ARAP2: variants seen among roughly 807,000 people sequenced by gnomAD.
The protein encoded by ARAP2 is ArfGAP with RhoGAP domain, ankyrin repeat and PH domain 2, also known as arf-GAP with Rho-GAP domain, ANK repeat and PH domain-containing protein 2.
ARAP2 carries 148 observed loss-of-function variants against 194.5 expected under a neutral mutation model. The ratio of observed to expected loss-of-function variants is 0.76; its 90% CI spans 0.67 to 0.87. The LOEUF is 0.87. Ranked by LOEUF, ARAP2 falls within the 40% of genes least tolerant of loss-of-function variation. The pLI is 0.00. For missense variants in ARAP2, 2,128 were observed against 1,989.7 expected, an observed-to-expected ratio of 1.07 and a Z score of -1.32; for synonymous variants, 695 against 683.5, an observed-to-expected ratio of 1.02 and a Z score of -0.26.
downstream of ARAP2, among the ~76,000 whole-genome samples, chr4:36,061,783 T>C (rs1456510334): frequency 1.3e-5 from 2 of 152,202 alleles, no homozygotes; most frequent in Non-Finnish European, 2.9e-5. Flanking sequence ...CCAAGAAGTT[T>C]CCCTTTTCGC....
At chr4:36,073,567 C>A in intron 32 of ARAP2, 122 bp downstream of exon 32, 1 of 1,147,848 alleles carries the variant, frequency 8.7e-7, no homozygotes, top group Non-Finnish European at 1.2e-6. Context: ...TATTACCATG[C>A]TTTACAAAGT....
At chr4:36,026,588 CG>C (rs1717946720) in intron 5 of ARAP2, among the ~76,000 whole-genome samples, 1 of 152,178 alleles carries the variant, frequency 6.6e-6, no homozygotes, top group South Asian at 2.1e-4. Context: ...CTGGATATCA[CG>C]GGACTGGAAG....
At chr4:36,183,615 T>A (rs1739799090) in intron 8 of ARAP2, among the ~76,000 whole-genome samples, 1 of 152,350 alleles carries the variant, frequency 6.6e-6, no homozygotes, top group Middle Eastern at 3.4e-3. Flanking sequence ...ATTGGAGAGA[T>A]CAATAGCTGT....
rs1324937909 is a variant in ARAP2, at chr4:36,156,733, T to C, written c.2752+1997A>G. Among the ~76,000 whole-genome samples, 6 of 152,300 alleles carry C rather than the reference T, an allele frequency of 3.9e-5. No homozygotes were observed. The East Asian group carries it at 1.2e-3, about 29-fold the overall frequency. ...TGATAGAATTTGCTGGTAAATTGGA[T>C]GGAAGATATTAAGACAATCAAAGAA... On this transcript the variant is annotated intron_variant, in intron 15 of 32. Coordinates refer to ENST00000303965, the MANE Select transcript of ARAP2 (RefSeq NM_015230.4).
At chr4:36,164,692 T>G (rs1013529101) in intron 11 of ARAP2, among the ~76,000 whole-genome samples, 3 of 152,222 alleles carry the variant, frequency 2.0e-5, no homozygotes, top group Non-Finnish European at 1.5e-5. Flanking sequence ...CATGGACCAG[T>G]AGGCATAAAA....
rs76278764 is a variant in ARAP2 at position 36,024,408 on chromosome 4, T to C, written n.608-5122A>G. 3.9e-3 allele frequency among the ~76,000 whole-genome samples: 599 copies of C among 152,310 alleles called. 4 individuals carry two copies. The highest frequency in any genetic ancestry group is 0.014 in the African/African-American group (567 of 41,580). ...GAAATAAGTGTAAGAAAAGAAAATA[T>C]TGGAATGCATAAGTCATTGACACAT... On this transcript the variant is annotated intron_variant and non_coding_transcript_variant, in intron 5 of 12. Transcript: ENST00000503225.
chr4:36,202,597 A>G (rs1744607915), intron 6 of ARAP2, among the ~76,000 whole-genome samples: 1 of 152,168 alleles, frequency 6.6e-6, no homozygotes, highest in Non-Finnish European at 1.5e-5. Flanking sequence ...AATTTTAAAA[A>G]TATCTACAAA....
chr4:36,051,095 T>G (rs577933689), intron 3 of ARAP2, among the ~76,000 whole-genome samples: 1 of 152,326 alleles, frequency 6.6e-6, no homozygotes, highest in South Asian at 2.1e-4. Flanking sequence ...TAAAATTCCT[T>G]TAGGGTTAAT....
intron 28 of ARAP2, among the ~76,000 whole-genome samples, chr4:36,089,469 T>C (rs1247657940): frequency 6.6e-6 from 1 of 152,120 alleles, no homozygotes; most frequent in African/African-American, 2.4e-5. Context: ...CACTGGATCA[T>C]GGGGTAGATT....
chr4:36,090,740 C>T (rs1361171389), intron 28 of ARAP2, among the ~76,000 whole-genome samples: 13 of 152,058 alleles, frequency 8.5e-5, no homozygotes, highest in Admixed American at 7.9e-4. Context: ...AGGGGAACAA[C>T]ACCCACTGGG....
intron 5 of ARAP2, among the ~76,000 whole-genome samples, chr4:36,023,193 G>C (rs1179713363): frequency 6.6e-6 from 1 of 152,192 alleles, no homozygotes; most frequent in Non-Finnish European, 1.5e-5. Context: ...TTCAGCCAAA[G>C]AGTTCGGCAC....
chr4:36,240,460 C>G (rs996695845), intron 1 of ARAP2, among the ~76,000 whole-genome samples: 1 of 152,170 alleles, frequency 6.6e-6, no homozygotes, highest in Admixed American at 6.5e-5. Context: ...GACTTAACAC[C>G]TGGGACACAA....
In ARAP2 at chr4:36,133,370, G is replaced by A; in HGVS notation, c.3283C>T (p.His1095Tyr). ...CAGACTGTGAAATCCAACTTGGTAT[G>A]CCCATGGATGTATAATGTTCTGTAA... ...EKGRTLYIHG[H>Y]TKLDFTVWHT... The change falls in exon 20 of 33, where the codon CAT becomes TAT. Residue 1095 changes from histidine (H) to tyrosine (Y), a missense_variant. His to Tyr is a moderately conservative substitution (Grantham distance 83). Transcript: ENST00000303965. 1 of 1,610,444 alleles carries A rather than the reference G, an allele frequency of 6.2e-7. No individual in the cohort carries two copies.
chr4:36,124,085 G>C (rs755526030), intron 22 of ARAP2, among the ~76,000 whole-genome samples: 41 of 151,778 alleles, frequency 2.7e-4, no homozygotes, highest in Non-Finnish European at 5.0e-4. Flanking sequence ...TACAATAATG[G>C]AGCTGACATA....
chr4:36,056,234 C>A (rs962757936), intron 2 of ARAP2, among the ~76,000 whole-genome samples: 1 of 152,156 alleles, frequency 6.6e-6, no homozygotes, highest in Non-Finnish European at 1.5e-5. Context: ...AGGGCCAGAG[C>A]AAATTTATAG....
Position 36,087,606 on chromosome 4 carries a change from CA to C in ARAP2, c.4426-4157del, listed in dbSNP as rs371035109. On this transcript the variant is annotated intron_variant, in intron 28 of 32. Transcript: ENST00000303965. ...GATATGAGACCCTTCATCTCACTTA[CA>C]AAAACAATGCATCTGTAAAAGTCAC... Among the ~76,000 whole-genome samples the C allele has an allele frequency of 9.0e-3, 1,365 of 152,166 alleles. 10 individuals are homozygous for C. The highest frequency in any genetic ancestry group is 0.048 in the South Asian group (230 of 4,828).
chr4:36,210,767 A>G (rs1490196824), intron 5 of ARAP2, 24 bp from the exon 6 acceptor site: 1 of 1,485,066 alleles, frequency 6.7e-7, no homozygotes, highest in Non-Finnish European at 9.1e-7. Context: ...TGATGTAAAC[A>G]TTTCAAAGTG....
intron 1 of ARAP2, among the ~76,000 whole-genome samples, chr4:36,231,685 A>C (rs895779260): frequency 6.6e-6 from 1 of 152,162 alleles, no homozygotes; most frequent in Non-Finnish European, 1.5e-5. Flanking sequence ...AAACAATTTT[A>C]ATAAAATACA....
chr4:36,046,265 C>T (rs770601387), intron 4 of ARAP2, among the ~76,000 whole-genome samples: 1 of 152,156 alleles, frequency 6.6e-6, no homozygotes, highest in Non-Finnish European at 1.5e-5. Context: ...CTCACTGCAG[C>T]TCCACTTCCT....
Sources: allele counts gnomAD v4.1 joint callset (sites outside exome capture counted in the v4.1 genomes callset), GRCh38; gene constraint gnomAD v4.1.1; transcripts MANE v1.5; gene names NCBI Gene and HGNC (gene_info 2026-07-23, HGNC 2026-07-21).